PARD6G: variants seen among roughly 807,000 people sequenced by gnomAD.
PARD6G encodes the protein partitioning defective 6 homolog gamma.
PARD6G carries 7 observed loss-of-function variants against 10.7 expected under a neutral mutation model. The ratio of observed to expected loss-of-function variants is 0.66; its 90% CI spans 0.37 to 1.23. The LOEUF (loss-of-function observed/expected upper bound fraction) is 1.23. Ranked by LOEUF, PARD6G falls within the 50% of genes most tolerant of loss-of-function variation. The probability of loss-of-function intolerance (pLI) is 0.02; values close to 1 mark genes in which losing one functional copy is unlikely to be tolerated. For synonymous variants in PARD6G, 287 were observed against 269.4 expected, an observed-to-expected ratio of 1.07 and a Z score of -0.64; for missense variants, 548 against 571.8, an observed-to-expected ratio of 0.96 and a Z score of 0.42.
chr18:80,218,887 A>C (rs1293723788), intron 1 of PARD6G, among the ~76,000 whole-genome samples: 1 of 152,212 alleles, frequency 6.6e-6, no homozygotes, highest in Non-Finnish European at 1.5e-5. Flanking sequence ...TACCACATGG[A>C]AGCTGCCAAG....
chr18:80,221,106 C>T (rs1229867771), intron 1 of PARD6G, among the ~76,000 whole-genome samples: 2 of 151,978 alleles, frequency 1.3e-5, no homozygotes. Flanking sequence ...TTTCTTAGTC[C>T]AGACCCAGAT....
At position 80,192,701 on chromosome 18, in the gene PARD6G, T is replaced by C. The variant is rs1288631889; in HGVS notation, c.295+10009A>G. On this transcript the variant is annotated intron_variant, in intron 2 of 2. Coordinates refer to ENST00000353265, the MANE Select transcript of PARD6G (RefSeq NM_032510.4). This position sits in a 1 kb window ranked among gnomAD's most constrained non-coding sequence, Gnocchi z 4.9. The stretch of plus-strand genomic sequence containing the variant: ...ACCAAAGACAAGGAGGGAAGAATGA[T>C]AAGAGTGAAAGAAAAGCACACCTGG... Among the ~76,000 whole-genome samples, 2 of 152,112 alleles carry C rather than the reference T, an allele frequency of 1.3e-5. No homozygotes were observed. The highest frequency in any genetic ancestry group is 4.8e-5 in the African/African-American group (2 of 41,410).
chr18:80,168,134 G>C (rs1170783129), intron 2 of PARD6G, among the ~76,000 whole-genome samples: 1 of 152,152 alleles, frequency 6.6e-6, no homozygotes. Flanking sequence ...GGGTGCGTTT[G>C]GTGCCAACCA....
At chr18:80,232,499 G>A (rs1967369619) in intron 1 of PARD6G, among the ~76,000 whole-genome samples, 1 of 152,096 alleles carries the variant, frequency 6.6e-6, no homozygotes, top group African/African-American at 2.4e-5. Context: ...CATGGTGGCA[G>A]CAAGAAAAAA....
rs775054785 is a variant in PARD6G at position 80,181,139 on chromosome 18, G to T, written c.296-20533C>A. Reference sequence around the variant, plus strand: ...CTGCGGGGGTGGGCCAGGAAGGGGCGCCACCCTGAAGGCTCAGTCTGTGTG... The same window carrying T: ...CTGCGGGGGTGGGCCAGGAAGGGGCTCCACCCTGAAGGCTCAGTCTGTGTG... On this transcript the variant is annotated intron_variant, in intron 2 of 2. Transcript: ENST00000353265. This position sits in a 1 kb window ranked among gnomAD's most constrained non-coding sequence, Gnocchi z 7.9. Among the ~76,000 whole-genome samples, 1 of 152,140 alleles carries T rather than the reference G, an allele frequency of 6.6e-6. No homozygotes were observed. Among genetic ancestry groups the T allele is most frequent in the African/African-American group, 2.4e-5 (1 of 41,426 alleles).
At chr18:80,208,973 G>A (rs1038621278) in intron 1 of PARD6G, among the ~76,000 whole-genome samples, 1 of 151,902 alleles carries the variant, frequency 6.6e-6, no homozygotes, top group East Asian at 1.9e-4. Context: ...GGTGGCACAC[G>A]CTTGTAGTCC....
In PARD6G at chr18:80,247,477, C is replaced by A. The variant is rs1221298234; in HGVS notation, c.-129G>T. ...GCTCGCTTGGCCGGCGGGCTGCTCC[C>A]GGTGCTGCGGGCCCGAGCTGGGCTG... On this transcript the variant is annotated 5_prime_UTR_variant, in exon 1 of 3. Coordinates refer to ENST00000353265, the MANE Select transcript of PARD6G (RefSeq NM_032510.4). This position sits in a 1 kb window ranked among gnomAD's most constrained non-coding sequence, Gnocchi z 4.2. 3.4e-5 allele frequency: 15 copies of A among 443,088 alleles called. No individual in the cohort carries two copies. Among genetic ancestry groups the A allele is most frequent in the Non-Finnish European group, 4.4e-5 (14 of 317,032 alleles). The allele number at this position is 443,088 out of a possible 1,614,324, so 27.4% of individuals were successfully genotyped here.
intron 2 of PARD6G, among the ~76,000 whole-genome samples, chr18:80,198,581 CAG>C (rs1216595851): frequency 1.3e-5 from 2 of 152,198 alleles, no homozygotes; most frequent in African/African-American, 2.4e-5. Context: ...CCAGTGAGGA[CAG>C]GGAGACAGCT....
chr18:80,203,576 TA>T (rs1458425384), intron 1 of PARD6G, among the ~76,000 whole-genome samples: 2 of 152,158 alleles, frequency 1.3e-5, no homozygotes, highest in Non-Finnish European at 2.9e-5. Flanking sequence ...AAATTAATGT[TA>T]ATTTTTTGGG....
intron 2 of PARD6G, among the ~76,000 whole-genome samples, chr18:80,174,872 T>C (rs956394253): frequency 3.2e-4 from 48 of 152,092 alleles, no homozygotes; most frequent in African/African-American, 1.1e-3. Flanking sequence ...GAGAATGGCG[T>C]GAACCCGGGA....
intron 1 of PARD6G, among the ~76,000 whole-genome samples, chr18:80,210,598 C>A (rs1373117326): frequency 6.6e-6 from 1 of 152,146 alleles, no homozygotes; most frequent in Admixed American, 6.5e-5. Context: ...ATTTGCTGAA[C>A]ACAATCAGCA....
rs2052662853 is a variant in PARD6G, at chr18:80,157,404, T to G, written c.*2367A>C. On this transcript the variant is annotated 3_prime_UTR_variant, in exon 3 of 3. Coordinates refer to ENST00000353265, the MANE Select transcript of PARD6G (RefSeq NM_032510.4). ...TGTTCTAAGCAGTAATTCCTAAAATTATGAATAGCACACAAATCTCAGTGA... is the reference window on the plus strand; with the variant it reads ...TGTTCTAAGCAGTAATTCCTAAAATGATGAATAGCACACAAATCTCAGTGA... The G allele has an allele frequency of 6.6e-6, 1 of 152,148 alleles. No individual in the cohort carries two copies. Among genetic ancestry groups the G allele is most frequent in the African/African-American group, 2.4e-5 (1 of 41,434 alleles). The allele number at this position is 152,148 out of a possible 1,614,324, so 9.4% of individuals were successfully genotyped here. A position where few individuals can be genotyped will look rare whatever the true frequency, so the allele number is the denominator to read the frequency against.
intron 1 of PARD6G, among the ~76,000 whole-genome samples, chr18:80,208,016 T>G (rs1459259877): frequency 6.6e-6 from 1 of 151,262 alleles, no homozygotes; most frequent in Non-Finnish European, 1.5e-5. Flanking sequence ...TTAAAATGCA[T>G]GATAGTGGTA....
At position 80,184,940 on chromosome 18, in the gene PARD6G, A is replaced by T. The variant is rs1412940031; in HGVS notation, c.295+17770T>A. 6.6e-6 allele frequency: 1 copy of T among 152,176 alleles called. No individual in the cohort carries two copies. The highest frequency in any genetic ancestry group is 1.9e-4 in the East Asian group (1 of 5,198). The allele number at this position is 152,176 out of a possible 1,614,324, so 9.4% of individuals were successfully genotyped here. On this transcript the variant is annotated intron_variant, in intron 2 of 2. Coordinates refer to ENST00000353265, the MANE Select transcript of PARD6G (RefSeq NM_032510.4). The surrounding 1 kb of genome is among the most constrained non-coding windows in gnomAD (Gnocchi z 4.5). Reference sequence around the variant, plus strand: ...ATGGTCGGATGCTGACTTAGGTCTCAATAAAGCTAAAAAATAAGGTGGCTC... The same window carrying T: ...ATGGTCGGATGCTGACTTAGGTCTCTATAAAGCTAAAAAATAAGGTGGCTC...
chr18:80,187,530 C>T (rs1033785721), intron 2 of PARD6G, among the ~76,000 whole-genome samples: 4 of 152,178 alleles, frequency 2.6e-5, no homozygotes, highest in Admixed American at 1.3e-4. Context: ...TGTGAATCAT[C>T]GCAATTCAGG....
intron 1 of PARD6G, among the ~76,000 whole-genome samples, chr18:80,227,960 C>G (rs1967312112): frequency 6.6e-6 from 1 of 152,288 alleles, no homozygotes; most frequent in African/African-American, 2.4e-5. Flanking sequence ...GGCCGTGTCT[C>G]AATTTGAACT....
At chr18:80,176,219 T>C (rs372039431) in intron 2 of PARD6G, among the ~76,000 whole-genome samples, 4 of 152,260 alleles carry the variant, frequency 2.6e-5, no homozygotes, top group South Asian at 4.2e-4. Context: ...CATTATAAAG[T>C]AGGAATTGGA....
In PARD6G at chr18:80,179,647, C is replaced by T. The variant is rs534168633; in HGVS notation, c.296-19041G>A. 5.8e-4 allele frequency among the ~76,000 whole-genome samples: 88 copies of T among 152,326 alleles called. 1 individual carries two copies. The Middle Eastern group carries it at 0.01, about 18-fold the overall frequency. ...GTTGTTAGGAGCATGAGTTTCACAACGGTGTGGTCTCACTGCTGCCCCTGG... is the reference window on the plus strand; with the variant it reads ...GTTGTTAGGAGCATGAGTTTCACAATGGTGTGGTCTCACTGCTGCCCCTGG... On this transcript the variant is annotated intron_variant, in intron 2 of 2. Transcript: ENST00000353265.
At chr18:80,195,757 C>T (rs1326060965) in intron 2 of PARD6G, among the ~76,000 whole-genome samples, 3 of 150,722 alleles carry the variant, frequency 2.0e-5, no homozygotes, top group Non-Finnish European at 4.4e-5. Flanking sequence ...TGCCTGTAGT[C>T]CCAGCTACTC....
Sources: allele counts gnomAD v4.1 joint callset (sites outside exome capture counted in the v4.1 genomes callset), GRCh38; gene constraint gnomAD v4.1.1; non-coding constraint Gnocchi (gnomAD v3.1); transcripts MANE v1.5; gene names NCBI Gene and HGNC (gene_info 2026-07-23, HGNC 2026-07-21).